DNAH9: variants seen among roughly 807,000 people sequenced by gnomAD.
DNAH9 encodes dynein axonemal heavy chain 9.
A neutral mutation model predicts 471.6 loss-of-function variants in DNAH9; 345 were observed. The ratio of observed to expected loss-of-function variants is 0.73; its 90% CI spans 0.67 to 0.80. The LOEUF (loss-of-function observed/expected upper bound fraction) is 0.80. DNAH9 is among the 30% of genes least tolerant of loss of function. The pLI is 0.00. For missense variants in DNAH9, 5,407 were observed against 5,609.2 expected (o/e 0.96, Z 1.15); for synonymous variants, 2,093 against 2,123.6 (o/e 0.99, Z 0.40).
intron 4 of DNAH9, among the ~76,000 whole-genome samples, chr17:11,614,366 G>A (rs1268847927): frequency 6.6e-6 from 1 of 151,972 alleles, no homozygotes. Context: ...GAAGAAAAAA[G>A]GAGGTTAAAA....
At chr17:11,676,723 A>T (rs554975364) in intron 17 of DNAH9, among the ~76,000 whole-genome samples, 64 of 151,498 alleles carry the variant, frequency 4.2e-4, no homozygotes, top group Non-Finnish European at 7.8e-4. Context: ...TTCCTTTACT[A>T]CTTTGGATTT....
At chr17:11,897,692 A>G (rs991803532) in intron 59 of DNAH9, among the ~76,000 whole-genome samples, 1 of 152,206 alleles carries the variant, frequency 6.6e-6, no homozygotes, top group African/African-American at 2.4e-5. Context: ...GGCCTCTGAC[A>G]TGTTGTCTTA....
Position 11,598,757 on chromosome 17 carries a change from C to G in DNAH9, c.259C>G (p.Leu87Val), listed in dbSNP as rs1173860404. ...GPRGLAIRPG[L>V]EVGPESGLAG... ...CAGGGGCCTGGCAATACGCCCCGGG[C>G]TGGAGGTGGGACCTGAGTCGGGCCT... Residue 87 changes from leucine (L) to valine (V), a missense_variant, in exon 1 of 69, where the codon CTG (leucine) becomes GTG (valine). Around this residue, in one of 3 missense-constraint regions of DNAH9, gnomAD observed 767 missense variants for 692.5 expected, o/e 1.11. Coordinates refer to ENST00000262442, the MANE Select transcript of DNAH9 (RefSeq NM_001372.4). 2 of 1,436,226 alleles carry G rather than the reference C, an allele frequency of 1.4e-6. No individual in the cohort carries two copies. Among genetic ancestry groups the G allele is most frequent in the Admixed American group, 2.8e-5 (1 of 35,936 alleles). The allele number at this position is 1,436,226 out of a possible 1,614,324, so 89.0% of individuals were successfully genotyped here.
chr17:11,797,472 A>G, intron 42 of DNAH9, 125 bp from the exon 43 acceptor site: 1 of 684,006 alleles, frequency 1.5e-6, no homozygotes, highest in South Asian at 2.1e-5. Context: ...AGAGAAGGGC[A>G]TGTTGGAAGT....
intron 8 of DNAH9, among the ~76,000 whole-genome samples, chr17:11,632,932 C>T (rs1468083144): frequency 6.6e-6 from 1 of 152,070 alleles, no homozygotes; most frequent in African/African-American, 2.4e-5. Context: ...TGTAAAAATA[C>T]TTTTAAGAAG....
chr17:11,829,533 C>T (rs1225929617), intron 48 of DNAH9, among the ~76,000 whole-genome samples: 4 of 152,052 alleles, frequency 2.6e-5, no homozygotes, highest in Non-Finnish European at 4.4e-5. Context: ...GTGCAGTGGC[C>T]TGATCTTGGC....
At chr17:11,743,765 G>A (rs1029462875) in intron 30 of DNAH9, among the ~76,000 whole-genome samples, 9 of 151,678 alleles carry the variant, frequency 5.9e-5, no homozygotes, top group Admixed American at 5.9e-4. Context: ...AGGGAAGTCT[G>A]ATCCATATCC....
At chr17:11,776,449 GT>G (rs759313209) in intron 38 of DNAH9, among the ~76,000 whole-genome samples, 1 of 151,870 alleles carries the variant, frequency 6.6e-6, no homozygotes, top group Non-Finnish European at 1.5e-5. Context: ...ATGTCTTCAT[GT>G]TCAAAACTGT....
intron 14 of DNAH9, among the ~76,000 whole-genome samples, chr17:11,655,875 T>G (rs2073633996): frequency 6.7e-6 from 1 of 149,170 alleles, no homozygotes; most frequent in South Asian, 2.1e-4. Context: ...AAGGGTGGGA[T>G]ATATATATAT....
intron 28 of DNAH9, among the ~76,000 whole-genome samples, chr17:11,733,485 T>A (rs1284481335): frequency 6.6e-6 from 1 of 152,052 alleles, no homozygotes; most frequent in Non-Finnish European, 1.5e-5. Flanking sequence ...GCTCTTATGG[T>A]CAGACGGGCA....
At chr17:11,767,156 A>G (rs1239043455) in intron 36 of DNAH9, among the ~76,000 whole-genome samples, 1 of 152,148 alleles carries the variant, frequency 6.6e-6, no homozygotes, top group East Asian at 1.9e-4. Context: ...AGGCATCTCA[A>G]GGCAGCATCG....
chr17:11,918,210 G>GTT (rs1458873008), intron 61 of DNAH9, among the ~76,000 whole-genome samples: 3 of 110,138 alleles, frequency 2.7e-5, no homozygotes, highest in Non-Finnish European at 5.6e-5. Context: ...GTGTTTTTTT[G>GTT]TTTTGTTTTG....
intron 17 of DNAH9, among the ~76,000 whole-genome samples, chr17:11,675,257 A>G (rs996653482): frequency 6.6e-6 from 1 of 152,142 alleles, no homozygotes; most frequent in African/African-American, 2.4e-5. Flanking sequence ...TTTTCTGTAG[A>G]AATTGAATTG....
rs111665222 is a variant in DNAH9, at chr17:11,790,111, G to A, written c.8062-3392G>A. Among the ~76,000 whole-genome samples, 812 of 89,962 alleles carry A rather than the reference G, an allele frequency of 9.0e-3. 3 individuals carry two copies. Among genetic ancestry groups the A allele is most frequent in the African/African-American group, 0.044 (786 of 17,880 alleles). 59.0% of individuals were successfully genotyped at this position (89,962 alleles called of 152,430 possible). On this transcript the variant is annotated intron_variant, in intron 41 of 68. Coordinates refer to ENST00000262442, the MANE Select transcript of DNAH9 (RefSeq NM_001372.4). Reference sequence around the variant, plus strand: ...CTGCTCTATGTCCCAAGATATAATCGATGTGCAGGGTTTTTTTTTAATGCA... The same window carrying A: ...CTGCTCTATGTCCCAAGATATAATCAATGTGCAGGGTTTTTTTTTAATGCA...
At chr17:11,899,273 C>T (rs1435011298) in intron 59 of DNAH9, among the ~76,000 whole-genome samples, 1 of 151,822 alleles carries the variant, frequency 6.6e-6, no homozygotes, top group African/African-American at 2.4e-5. Flanking sequence ...TGAATGAAAT[C>T]TTTGTGATAA....
chr17:11,969,377 A>C lies in DNAH9; in HGVS notation c.13311A>C (p.Ala4437=). Residue 4437 remains alanine (A), a synonymous_variant, in exon 69 of 69, where the codon GCA becomes GCC. Transcript: ENST00000262442. ...TGATGTTCATCAAGGCCATTCCTGC[A>C]GATAAGCAGGACTGCCGCAGTGTCT... ...MPVMFIKAIP[A]DKQDCRSVYS... is the part of the protein sequence containing the mutation. 1 of 1,614,144 alleles carries C rather than the reference A, an allele frequency of 6.2e-7. No individual in the cohort carries two copies. Among genetic ancestry groups the C allele is most frequent in the Non-Finnish European group, 8.5e-7 (1 of 1,180,012 alleles).
rs776584477 is a variant in DNAH9, at chr17:11,797,639, T to C, written c.8266T>C (p.Tyr2756His). 9.3e-6 allele frequency: 15 copies of C among 1,613,970 alleles called. No individual in the cohort carries two copies. The highest frequency in any genetic ancestry group is 1.3e-5 in the African/African-American group (1 of 74,912). ...PVEQTQSPNLYCHFANGIGEP... is the reference protein window; with the variant it reads ...PVEQTQSPNLHCHFANGIGEP... ...GGAGCAGACCCAAAGCCCGAACCTG[T>C]ATTGTCACTTTGCAAATGGTATTGG... The change falls in exon 43 of 69, where the codon TAT becomes CAT. Residue 2756 changes from tyrosine to histidine, a missense_variant. Transcript: ENST00000262442.
At chr17:11,662,956 C>T (rs367788565) in intron 14 of DNAH9, among the ~76,000 whole-genome samples, 407 of 151,640 alleles carry the variant, frequency 2.7e-3, no homozygotes, top group African/African-American at 9.2e-3. Flanking sequence ...GGGGTTTCAC[C>T]GTTTTATCCA....
chr17:11,684,917 G>A (rs978026208), intron 19 of DNAH9, among the ~76,000 whole-genome samples: 2 of 152,134 alleles, frequency 1.3e-5, no homozygotes, highest in Non-Finnish European at 2.9e-5. Context: ...GAGACATATC[G>A]GTTTCCTAAG....
Sources: gnomAD v4.1 joint callset for allele counts (sites outside exome capture counted in the v4.1 genomes callset) on GRCh38, gnomAD v4.1.1 for gene constraint, gnomAD v4.1.1 regional missense constraint, MANE v1.5 for transcripts, NCBI Gene and HGNC (gene_info 2026-07-23, HGNC 2026-07-21) for gene names.